FGF14: variants seen among roughly 807,000 people sequenced by gnomAD.
The protein encoded by FGF14 is fibroblast growth factor 14.
In FGF14, 5 loss-of-function variants were observed where a neutral mutation model predicts 25.5. The observed-to-expected ratio is 0.20, with a 90% CI of 0.10 to 0.41. FGF14 has a LOEUF of 0.41. Ranked by LOEUF, FGF14 falls within the 10% of genes least tolerant of loss-of-function variation. FGF14 has a pLI of 1.00. For missense variants in FGF14, 222 were observed against 320.1 expected, an observed-to-expected ratio of 0.69 and a Z score of 2.34; for synonymous variants, 138 against 118.3, an observed-to-expected ratio of 1.17 and a Z score of -1.08.
rs552012000 is a variant in FGF14 at position 102,128,326 on chromosome 13, GC to G, written c.209-253031del. On this transcript the variant is annotated intron_variant, in intron 1 of 4. Coordinates refer to the FGF14 transcript ENST00000376131. ...TAACACTATCTCCCAGGAAAGGTTA[GC>G]CATTCAGGAACTCCAGCCCCAGTAA... Among the ~76,000 whole-genome samples the G allele has an allele frequency of 4.6e-3, 703 of 152,268 alleles. 8 individuals carry two copies. The highest frequency in any genetic ancestry group is 0.015 in the African/African-American group (628 of 41,560).
At chr13:102,033,322 G>A (rs544433509) in intron 1 of FGF14, among the ~76,000 whole-genome samples, 6 of 152,194 alleles carry the variant, frequency 3.9e-5, no homozygotes, top group African/African-American at 1.4e-4. Flanking sequence ...ATAAAATACA[G>A]TAGTTCTACA....
chr13:101,963,628 T>C (rs2139476883), intron 1 of FGF14, among the ~76,000 whole-genome samples: 1 of 152,354 alleles, frequency 6.6e-6, no homozygotes, highest in Non-Finnish European at 1.5e-5. Flanking sequence ...AGGATATCCA[T>C]GATATGAATG....
At chr13:102,020,424 T>C (rs1430243776) in intron 1 of FGF14, among the ~76,000 whole-genome samples, 2 of 152,090 alleles carry the variant, frequency 1.3e-5, no homozygotes, top group Non-Finnish European at 2.9e-5. Flanking sequence ...GGTGCATGCC[T>C]GTAATCCCAG....
chr13:101,723,507 T>C (rs7334198), intron 4 of FGF14, among the ~76,000 whole-genome samples: 51,450 of 151,894 alleles, frequency 0.34, 9,677 homozygotes, highest in East Asian at 0.51. Context: ...CACAAAATAA[T>C]AACAAATAAC....
intron 1 of FGF14, among the ~76,000 whole-genome samples, chr13:102,259,261 C>T (rs2052597693): frequency 2.0e-5 from 3 of 152,220 alleles, no homozygotes; most frequent in Admixed American, 2.0e-4. Context: ...CCCAGCTGCC[C>T]TGTGGACACA....
intron 1 of FGF14, among the ~76,000 whole-genome samples, chr13:102,044,538 A>T (rs1416429645): frequency 2.7e-5 from 3 of 110,900 alleles, no homozygotes; most frequent in African/African-American, 8.4e-5. Context: ...CCTCTTTCGT[A>T]AAAAAAAAAT....
chr13:101,740,287 G>T (rs1019770784), intron 3 of FGF14, among the ~76,000 whole-genome samples: 25 of 152,156 alleles, frequency 1.6e-4, no homozygotes, highest in African/African-American at 5.1e-4. Context: ...TAAAAGCAAT[G>T]GGAAGACATT....
chr13:102,289,668 G>C (rs2054278963), intron 1 of FGF14, among the ~76,000 whole-genome samples: 1 of 152,172 alleles, frequency 6.6e-6, no homozygotes, highest in Admixed American at 6.5e-5. Flanking sequence ...GCAGATCGTA[G>C]TTTGCTGACC....
chr13:101,968,668 G>A lies in FGF14; in HGVS notation c.209-93372C>T, dbSNP rs775435570. On this transcript the variant is annotated intron_variant, in intron 1 of 4. Coordinates refer to the FGF14 transcript ENST00000376131. ...AGCCTGGGCGACAGAGCGAGACTCC[G>A]TCTCCAAAAAAAAAAAAAAAAACCT... Among the ~76,000 whole-genome samples the A allele has an allele frequency of 2.3e-4, 20 of 85,716 alleles. No homozygotes were observed. The East Asian group carries it at 5.4e-3, about 23-fold the overall frequency. 56.2% of individuals were successfully genotyped at this position (85,716 alleles called of 152,430 possible). A position where few individuals can be genotyped will look rare whatever the true frequency, so the allele number is the denominator to read the frequency against.
At chr13:101,955,926 C>G (rs140472876) in intron 1 of FGF14, among the ~76,000 whole-genome samples, 5 of 152,174 alleles carry the variant, frequency 3.3e-5, no homozygotes, top group African/African-American at 1.2e-4. Flanking sequence ...ATTGCTGCCT[C>G]GTGTTACCTA....
chr13:101,916,321 A>AG (rs1184483398), intron 1 of FGF14, 132 bp downstream of exon 1: 1 of 1,111,074 alleles, frequency 9.0e-7, no homozygotes, highest in Non-Finnish European at 1.3e-6. Context: ...GACGGCACCC[A>AG]GAGTGCTCAG....
At chr13:101,903,878 C>T (rs751015219) in intron 1 of FGF14, among the ~76,000 whole-genome samples, 91 of 151,930 alleles carry the variant, frequency 6.0e-4, no homozygotes, top group Non-Finnish European at 3.4e-4. Flanking sequence ...TATGAGTGTA[C>T]GGAGTACAGG....
intron 1 of FGF14, among the ~76,000 whole-genome samples, chr13:102,029,594 G>C (rs763997345): frequency 8.5e-5 from 13 of 152,134 alleles, no homozygotes; most frequent in Middle Eastern, 3.4e-3. Context: ...AGCTCCTCCA[G>C]GCTATGATTT....
intron 1 of FGF14, among the ~76,000 whole-genome samples, chr13:102,071,889 T>C (rs1279001703): frequency 6.6e-6 from 1 of 152,138 alleles, no homozygotes; most frequent in Non-Finnish European, 1.5e-5. Flanking sequence ...GTGGGAGTGG[T>C]GGGAATTACA....
At chr13:101,969,375 A>G (rs2037452084) in intron 1 of FGF14, among the ~76,000 whole-genome samples, 1 of 152,208 alleles carries the variant, frequency 6.6e-6, no homozygotes, top group South Asian at 2.1e-4. Context: ...CATCCTGGCT[A>G]ACACGGTGAA....
Position 101,762,912 on chromosome 13 carries a change from G to A in FGF14, c.409-36102C>T, listed in dbSNP as rs1009843756. On this transcript the variant is annotated intron_variant, in intron 3 of 4. Coordinates refer to ENST00000376143, the MANE Select transcript of FGF14 (RefSeq NM_004115.4). ...ATGCTAGTCAGTAGGTTGTATTTAGGCAGGCTCTGACACTGCCATAGGGAA... is the reference window on the plus strand; with the variant it reads ...ATGCTAGTCAGTAGGTTGTATTTAGACAGGCTCTGACACTGCCATAGGGAA... Among the ~76,000 whole-genome samples the A allele has an allele frequency of 3.3e-5, 5 of 152,164 alleles. No individual in the cohort carries two copies. The East Asian group carries it at 9.7e-4, about 29-fold the overall frequency.
At chr13:102,145,592 C>T (rs559944324) in intron 1 of FGF14, among the ~76,000 whole-genome samples, 1 of 152,298 alleles carries the variant, frequency 6.6e-6, no homozygotes, top group African/African-American at 2.4e-5. Context: ...TATGCACTTT[C>T]CTTCAGTGTA....
chr13:101,959,928 T>G (rs2036741107), intron 1 of FGF14, among the ~76,000 whole-genome samples: 3 of 152,226 alleles, frequency 2.0e-5, no homozygotes, highest in Admixed American at 2.0e-4. Context: ...AGTCTAAAAC[T>G]GCTCAGTTAA....
At chr13:102,110,371 C>T (rs540236059) in intron 1 of FGF14, among the ~76,000 whole-genome samples, 2 of 152,166 alleles carry the variant, frequency 1.3e-5, no homozygotes, top group African/African-American at 4.8e-5. Flanking sequence ...CACCAAAAAA[C>T]GATGCACAGC....
Sources: gnomAD v4.1 joint callset for allele counts (sites outside exome capture counted in the v4.1 genomes callset) on GRCh38, gnomAD v4.1.1 for gene constraint, MANE v1.5 for transcripts, NCBI Gene and HGNC (gene_info 2026-07-23, HGNC 2026-07-21) for gene names.